ABHD12: variants seen among roughly 807,000 people sequenced by gnomAD.
ABHD12 encodes the protein lysophosphatidylserine lipase ABHD12.
ABHD12 carries 43 observed loss-of-function variants against 58.3 expected under a neutral mutation model. That is an observed-to-expected ratio of 0.74 (90% CI 0.58 to 0.95). The LOEUF is 0.95. Among genes scored for constraint, ABHD12 ranks in the 40% least tolerant of loss-of-function variants. ABHD12 has a pLI of 0.00. For missense variants in ABHD12, 539 were observed against 537.2 expected (o/e 1.00, Z -0.03); for synonymous variants, 219 against 211.2 (o/e 1.04, Z -0.32).
intron 1 of ABHD12, among the ~76,000 whole-genome samples, chr20:25,374,972 C>T (rs1256609867): frequency 2.0e-5 from 3 of 152,198 alleles, no homozygotes; most frequent in Non-Finnish European, 4.4e-5. Context: ...GTCTTAACCC[C>T]TAGCACTTCA....
intron 6 of ABHD12, among the ~76,000 whole-genome samples, chr20:25,311,161 C>T (rs1287854476): frequency 1.3e-5 from 2 of 152,190 alleles, no homozygotes; most frequent in Non-Finnish European, 2.9e-5. Context: ...AACTTGTGAA[C>T]GCGTTGGGTC....
chr20:25,300,378 G>A lies in ABHD12; in HGVS notation c.*467C>T, dbSNP rs1254215534. The A allele has an allele frequency of 1.3e-5, 14 of 1,115,984 alleles. No individual in the cohort carries two copies. In the South Asian group the frequency reaches 2.8e-4, roughly 22 times the overall value. The allele number at this position is 1,115,984 out of a possible 1,614,324, so 69.1% of individuals were successfully genotyped here. ...GCTGAGAAAGGCAAGCAGGTACACA[G>A]GGCAGGAGGGGACGATGGAACCACT... On this transcript the variant is annotated 3_prime_UTR_variant, in exon 13 of 13. Transcript: ENST00000339157.
intron 1 of ABHD12, among the ~76,000 whole-genome samples, chr20:25,382,041 G>A (rs374073170): frequency 2.0e-5 from 3 of 152,150 alleles, no homozygotes; most frequent in African/African-American, 2.4e-5. Flanking sequence ...CATGTGCCAG[G>A]AACATTCCAC....
chr20:25,357,292 ATCAGGCTCTC>A (rs1430673835), intron 1 of ABHD12, among the ~76,000 whole-genome samples: 2 of 152,316 alleles, frequency 1.3e-5, no homozygotes, highest in Non-Finnish European at 2.9e-5. Flanking sequence ...ATCCAGCCTA[ATCAGGCTCTC>A]TCACCATGTT....
intron 1 of ABHD12, among the ~76,000 whole-genome samples, chr20:25,364,808 ACT>A (rs961663160): frequency 6.6e-6 from 1 of 152,204 alleles, no homozygotes; most frequent in African/African-American, 2.4e-5. Flanking sequence ...CAAAAGAGTA[ACT>A]CTGGGCAAAC....
intron 4 of ABHD12, 65 bp downstream of exon 4, chr20:25,320,134 A>G: frequency 6.2e-7 from 1 of 1,605,550 alleles, no homozygotes. Flanking sequence ...AGACCGGGCC[A>G]GGACATTCCC....
At chr20:25,337,071 G>C (rs377523331) in intron 2 of ABHD12, among the ~76,000 whole-genome samples, 1 of 152,184 alleles carries the variant, frequency 6.6e-6, no homozygotes, top group Non-Finnish European at 1.5e-5. Context: ...AGGCCAGCCT[G>C]GGCAACATGG....
chr20:25,362,697 G>A (rs1313961250), intron 1 of ABHD12, among the ~76,000 whole-genome samples: 2 of 151,088 alleles, frequency 1.3e-5, no homozygotes, highest in African/African-American at 2.4e-5. Flanking sequence ...TTTTTGAGAC[G>A]GAGTTTCGCT....
chr20:25,298,524 A>AGAT (rs906612190), downstream of ABHD12, among the ~76,000 whole-genome samples: 13 of 152,270 alleles, frequency 8.5e-5, no homozygotes, highest in African/African-American at 2.9e-4. Context: ...GAAAGTGCTG[A>AGAT]GATTACAGTT....
chr20:25,384,161 A>G (rs1268451995), intron 1 of ABHD12, among the ~76,000 whole-genome samples: 7 of 150,910 alleles, frequency 4.6e-5, no homozygotes, highest in South Asian at 2.1e-4. Flanking sequence ...AAAAAGAAAA[A>G]AAAAAATCAC....
intron 1 of ABHD12, among the ~76,000 whole-genome samples, chr20:25,383,814 G>T (rs986837868): frequency 1.3e-5 from 2 of 152,018 alleles, no homozygotes; most frequent in African/African-American, 4.8e-5. Context: ...AATTAGCCAG[G>T]TATGGTGGCG....
chr20:25,390,321 G>A (rs907523842), intron 1 of ABHD12, among the ~76,000 whole-genome samples, 192 bp downstream of exon 1: 2 of 152,150 alleles, frequency 1.3e-5, no homozygotes, highest in African/African-American at 2.4e-5. Flanking sequence ...CCGCCGCGGT[G>A]CCTGGGGAAG....
chr20:25,339,705 G>C, intron 1 of ABHD12: 1 of 1,371,102 alleles, frequency 7.3e-7, no homozygotes, highest in Non-Finnish European at 9.8e-7. Context: ...CTCGTATCAG[G>C]AAAGAGCGGC....
chr20:25,363,489 G>T (rs1042135582), intron 1 of ABHD12, among the ~76,000 whole-genome samples: 1 of 152,188 alleles, frequency 6.6e-6, no homozygotes, highest in African/African-American at 2.4e-5. Context: ...AGTGCTGGGA[G>T]AGCAGGCGTG....
At chr20:25,315,572 C>T (rs2145956576) in intron 5 of ABHD12, among the ~76,000 whole-genome samples, 1 of 151,972 alleles carries the variant, frequency 6.6e-6, no homozygotes, top group South Asian at 2.1e-4. Context: ...CCCAGAATCA[C>T]AGCTCCCTTC....
intron 1 of ABHD12, among the ~76,000 whole-genome samples, chr20:25,385,364 C>T (rs937138548): frequency 2.3e-5 from 3 of 128,890 alleles, no homozygotes; most frequent in South Asian, 2.4e-4. Context: ...AAGAGGAAAA[C>T]GGAGGAAAAA....
chr20:25,359,687 A>G (rs1174876099), intron 1 of ABHD12, among the ~76,000 whole-genome samples: 2 of 151,900 alleles, frequency 1.3e-5, no homozygotes, highest in Non-Finnish European at 2.9e-5. Context: ...CTCATGCCAT[A>G]GCCTCCCAAG....
At chr20:25,328,787 CT>C (rs1403804257) in intron 2 of ABHD12, among the ~76,000 whole-genome samples, 1 of 152,178 alleles carries the variant, frequency 6.6e-6, no homozygotes, top group Non-Finnish European at 1.5e-5. Flanking sequence ...GGCACAGTGA[CT>C]ACTCTCCATG....
At chr20:25,349,083 CAAAAAAAA>C (rs61219186) in intron 1 of ABHD12, among the ~76,000 whole-genome samples, 1 of 61,634 alleles carries the variant, frequency 1.6e-5, no homozygotes, top group Admixed American at 1.9e-4. Flanking sequence ...GACTCCGTCT[CAAAAAAAA>C]AAAAAAAAGA....
Sources: gnomAD v4.1 joint callset for allele counts (sites outside exome capture counted in the v4.1 genomes callset) on GRCh38, gnomAD v4.1.1 for gene constraint, MANE v1.5 for transcripts, NCBI Gene and HGNC (gene_info 2026-07-23, HGNC 2026-07-21) for gene names.